SLC25A37: variants seen among roughly 807,000 people sequenced by gnomAD.
SLC25A37 encodes mitoferrin-1.
A neutral mutation model predicts 31.0 loss-of-function variants in SLC25A37; 17 were observed. The ratio of observed to expected loss-of-function variants is 0.55; its 90% confidence interval spans 0.38 to 0.82. SLC25A37 has a LOEUF of 0.82. SLC25A37 is among the 40% of genes least tolerant of loss of function. SLC25A37 has a pLI of 0.00. For missense variants in SLC25A37, 404 were observed against 465.8 expected, an observed-to-expected ratio of 0.87 and a Z score of 1.22; for synonymous variants, 222 against 193.0, an observed-to-expected ratio of 1.15 and a Z score of -1.24.
At chr8:23,548,206 G>C (rs575955051) in intron 1 of SLC25A37, among the ~76,000 whole-genome samples, 60 of 152,150 alleles carry the variant, frequency 3.9e-4, no homozygotes, top group African/African-American at 1.4e-3. Flanking sequence ...TTGAGATGGA[G>C]TCTGTCTCTG....
chr8:23,533,040 C>A (rs774189560), intron 1 of SLC25A37, among the ~76,000 whole-genome samples: 2 of 152,058 alleles, frequency 1.3e-5, no homozygotes, highest in Non-Finnish European at 2.9e-5. Context: ...CCTCACATCC[C>A]CCTGCTCCCT....
chr8:23,557,065 G>T, intron 1 of SLC25A37, among the ~76,000 whole-genome samples: 1 of 152,154 alleles, frequency 6.6e-6, no homozygotes. Context: ...TGGCCAGGCT[G>T]GTCTCGAACC....
intron 2 of SLC25A37, 116 bp downstream of exon 2, chr8:23,566,452 A>G (rs1375460119): frequency 1.3e-6 from 2 of 1,488,530 alleles, no homozygotes; most frequent in Non-Finnish European, 1.8e-6. Context: ...GCTCACGAAT[A>G]AAGAACTCAG....
At chr8:23,530,526 C>T (rs1801642722) in intron 1 of SLC25A37, among the ~76,000 whole-genome samples, 1 of 152,210 alleles carries the variant, frequency 6.6e-6, no homozygotes, top group East Asian at 1.9e-4. Context: ...TGCTGCTGGA[C>T]CTAAGCCTGA....
intron 1 of SLC25A37, among the ~76,000 whole-genome samples, chr8:23,545,146 G>A (rs1255236559): frequency 1.3e-5 from 2 of 152,194 alleles, no homozygotes; most frequent in Non-Finnish European, 2.9e-5. Flanking sequence ...CAACTTGTAG[G>A]GCAAAGAGAG....
chr8:23,529,255 G>A lies in SLC25A37; in HGVS notation c.210+43G>A, dbSNP rs1345095966. The A allele has an allele frequency of 1.9e-6, 3 of 1,558,296 alleles. No individual in the cohort carries two copies. In the African/African-American group the frequency reaches 4.2e-5, roughly 22 times the overall value. On this transcript the variant is annotated intron_variant, in intron 1 of 3. Transcript: ENST00000519973. The surrounding 1 kb of genome is among the most constrained non-coding windows in gnomAD (Gnocchi z 4.1). ...TTCGGGGACGCAACGAGCGGAGAAGGAGCGCGCGCGCGCATTTGCATCCCG... is the reference window on the plus strand; with the variant it reads ...TTCGGGGACGCAACGAGCGGAGAAGAAGCGCGCGCGCGCATTTGCATCCCG...
chr8:23,569,768 G>A (rs34138581), intron 3 of SLC25A37, among the ~76,000 whole-genome samples: 45,389 of 151,762 alleles, frequency 0.3, 7,735 homozygotes, highest in Non-Finnish European at 0.39. Flanking sequence ...CGTCTTAGCC[G>A]GGTACTCGTG....
chr8:23,549,273 C>T (rs1233887533), intron 1 of SLC25A37, among the ~76,000 whole-genome samples: 1 of 152,196 alleles, frequency 6.6e-6, no homozygotes, highest in Non-Finnish European at 1.5e-5. Context: ...AGTCACTCAT[C>T]TCTGGTCCCT....
chr8:23,532,847 G>A (rs1251657211), intron 1 of SLC25A37, among the ~76,000 whole-genome samples: 1 of 152,210 alleles, frequency 6.6e-6, no homozygotes, highest in Admixed American at 6.5e-5. Context: ...AGACTGGTAG[G>A]AAGGGTGCTG....
Position 23,571,339 on chromosome 8 carries a change from G to A in SLC25A37, c.501G>A (p.Val167=), listed in dbSNP as rs1802826020. The A allele has an allele frequency of 1.3e-6, 2 of 1,576,414 alleles. No individual in the cohort carries two copies. Among genetic ancestry groups the A allele is most frequent in the Non-Finnish European group, 1.7e-6 (2 of 1,160,408 alleles). ...HDAVMNPAEV[V]KQRLQMYNSQ... ...GCCCCGCGGTTCCAACCACAGTGGT[G>A]AAGCAGCGCTTGCAGATGTACAACT... Residue 167 remains valine (V), a synonymous_variant, in exon 4 of 4, where the codon GTG becomes GTA. Coordinates refer to ENST00000519973, the MANE Select transcript of SLC25A37 (RefSeq NM_016612.4).
chr8:23,556,066 T>G (rs1374616514), intron 1 of SLC25A37, among the ~76,000 whole-genome samples: 1 of 144,968 alleles, frequency 6.9e-6, no homozygotes, highest in Non-Finnish European at 1.5e-5. Context: ...GCAGGAAGCT[T>G]TTTTCAGAAT....
At chr8:23,550,181 C>CAAA (rs67552053) in intron 1 of SLC25A37, among the ~76,000 whole-genome samples, 4 of 68,714 alleles carry the variant, frequency 5.8e-5, no homozygotes, top group Non-Finnish European at 1.0e-4. Context: ...AATTCCGTTT[C>CAAA]AAAAAAAAAA....
At chr8:23,555,953 T>TGGTATAG (rs1265538909) in intron 1 of SLC25A37, among the ~76,000 whole-genome samples, 1 of 152,240 alleles carries the variant, frequency 6.6e-6, no homozygotes, top group East Asian at 1.9e-4. Flanking sequence ...TCTCAACTCT[T>TGGTATAG]CATTTTGTCT....
chr8:23,562,866 A>G (rs377493710), intron 1 of SLC25A37, among the ~76,000 whole-genome samples: 27 of 152,308 alleles, frequency 1.8e-4, no homozygotes, highest in African/African-American at 5.8e-4. Context: ...TGACAGCCAC[A>G]TTGTACCACC....
chr8:23,568,499 C>G, intron 3 of SLC25A37, 121 bp downstream of exon 3: 2 of 1,085,866 alleles, frequency 1.8e-6, no homozygotes, highest in South Asian at 1.3e-5. Flanking sequence ...CCAGTCAGAG[C>G]AGACAGGAGA....
rs752967184 is a variant in SLC25A37 at position 23,566,220 on chromosome 8, A to G, written c.323A>G (p.Asn108Ser). ...TTCTGGAGGCCCTTGCGAGGCGTCA[A>G]CGTCATGATCATGGGTGCAGGGCCG... ...EGFWRPLRGV[N>S]VMIMGAGPAH... Residue 108 changes from asparagine (N) to serine (S), a missense_variant, in exon 2 of 4, where the codon AAC (asparagine) becomes AGC (serine). Coordinates refer to ENST00000519973, the MANE Select transcript of SLC25A37 (RefSeq NM_016612.4). The G allele has an allele frequency of 2.5e-6, 4 of 1,603,716 alleles. No individual in the cohort carries two copies. Among genetic ancestry groups the G allele is most frequent in the South Asian group, 1.1e-5 (1 of 88,798 alleles).
At chr8:23,547,539 C>T (rs1467534268) in intron 1 of SLC25A37, among the ~76,000 whole-genome samples, 1 of 152,196 alleles carries the variant, frequency 6.6e-6, no homozygotes. Context: ...CTAAAATTTC[C>T]ACTCCTTCTT....
intron 2 of SLC25A37, chr8:23,566,930 T>C: frequency 1.5e-6 from 1 of 668,942 alleles, no homozygotes; most frequent in Non-Finnish European, 1.8e-6. Flanking sequence ...CTGAGTCTCA[T>C]CTCTCTGCAA....
At chr8:23,562,646 G>A (rs62503328) in intron 1 of SLC25A37, among the ~76,000 whole-genome samples, 8,526 of 152,228 alleles carry the variant, frequency 0.056, 421 homozygotes, top group East Asian at 0.27. Flanking sequence ...ATGAATCACC[G>A]TCATGTAGCC....
Sources: gnomAD v4.1 joint callset for allele counts (sites outside exome capture counted in the v4.1 genomes callset) on GRCh38, gnomAD v4.1.1 for gene constraint, Gnocchi (gnomAD v3.1) non-coding constraint, MANE v1.5 for transcripts, NCBI Gene and HGNC (gene_info 2026-07-23, HGNC 2026-07-21) for gene names.